The following CCDC107 variants were observed in gnomAD, a reference collection of about 807,000 sequenced individuals.
The protein encoded by CCDC107 is coiled-coil domain-containing protein 107.
In CCDC107, 17 loss-of-function variants were observed where a neutral mutation model predicts 17.9. That is an observed-to-expected ratio of 0.95 (90% CI 0.65 to 1.42). The LOEUF is 1.42. Among genes scored for constraint, CCDC107 ranks in the 40% most tolerant of loss-of-function variants. CCDC107 has a pLI of 0.00. For missense variants in CCDC107, 388 were observed against 360.1 expected (o/e 1.08, Z -0.63); for synonymous variants, 170 against 157.2 (o/e 1.08, Z -0.61).
rs1823702527 is a variant in CCDC107 at position 35,658,569 on chromosome 9, T to C, written c.107-7T>C. 1.3e-6 allele frequency: 2 copies of C among 1,576,174 alleles called. No homozygotes were observed. Among genetic ancestry groups the C allele is most frequent in the Non-Finnish European group, 1.7e-6 (2 of 1,169,266 alleles). On this transcript the variant is annotated splice_polypyrimidine_tract_variant and splice_region_variant and intron_variant, in intron 1 of 4. Coordinates refer to ENST00000426546, the MANE Select transcript of CCDC107 (RefSeq NM_174923.3). ...TCGGCTGACTCGCCTGTATCCTCCC[T>C]CCGCAGGGAACGCAGCCCACCCCGG...
At position 35,658,424 on chromosome 9, in the gene CCDC107, T is replaced by C; in HGVS notation, c.45T>C (p.Leu15=). ...TCTTGGGTGTGGTGGGGCTGCTGCTTGTGTCTGCGCTGTCCGGGGTCCTAG... is the reference window on the plus strand; with the variant it reads ...TCTTGGGTGTGGTGGGGCTGCTGCTCGTGTCTGCGCTGTCCGGGGTCCTAG... The part of the protein sequence containing the change: ...VSLLGVVGLL[L]VSALSGVLGD... Residue 15 remains leucine (L), a synonymous_variant, in exon 1 of 5, where the codon CTT becomes CTC. Transcript: ENST00000426546. 6.9e-7 allele frequency: 1 copy of C among 1,455,282 alleles called. No individual in the cohort carries two copies. The highest frequency in any genetic ancestry group is 9.1e-7 in the Non-Finnish European group (1 of 1,102,544). 90.1% of individuals were successfully genotyped at this position (1,455,282 alleles called of 1,614,324 possible).
In CCDC107 at chr9:35,660,974, AAAG is replaced by A. The variant is rs754479840; in HGVS notation, c.640_642del (p.Lys214del). 2 of 1,614,156 alleles carry A rather than the reference AAAG, an allele frequency of 1.2e-6. No individual in the cohort carries two copies. Among genetic ancestry groups the A allele is most frequent in the Admixed American group, 1.7e-5 (1 of 60,022 alleles). ...GACCTCTTCCTGAGGACTTCTGTTTAAAGGAGGACGAGGAGGAGATTGGTGACA... is the reference window on the plus strand; with the variant it reads ...GACCTCTTCCTGAGGACTTCTGTTTAGAGGACGAGGAGGAGATTGGTGACA... On this transcript the variant is annotated inframe_deletion, in exon 5 of 5. Transcript: ENST00000426546.
rs747115708 is a variant in CCDC107, at chr9:35,660,454, G to A, written c.312G>A (p.Leu104=). 4.1e-5 allele frequency: 66 copies of A among 1,612,936 alleles called. 2 individuals are homozygous for A. The South Asian group carries it at 7.0e-4, about 17-fold the overall frequency. ...AGGAGGCAAGCAAGCAGCAGCCACTGCAGTCAGGTGGGTTTAGCAGAAGTC... is the reference window on the plus strand; with the variant it reads ...AGGAGGCAAGCAAGCAGCAGCCACTACAGTCAGGTGGGTTTAGCAGAAGTC... ...LHEEASKQQP[L]QSEQQLAQLT... is the part of the protein sequence containing the mutation. Residue 104 remains leucine, a synonymous_variant, in exon 3 of 5, where the codon CTG becomes CTA. Transcript: ENST00000426546.
At position 35,660,477 on chromosome 9, in the gene CCDC107, G is replaced by A. The variant is rs781532634; in HGVS notation, c.319+16G>A. 27 of 1,613,308 alleles carry A rather than the reference G, an allele frequency of 1.7e-5. No individual in the cohort carries two copies. Among genetic ancestry groups the A allele is most frequent in the Middle Eastern group, 1.7e-4 (1 of 6,058 alleles). ...CTGCAGTCAGGTGGGTTTAGCAGAA[G>A]TCTGTGCTGGGTCGGGGGAGTTTAG... On this transcript the variant is annotated intron_variant, in intron 3 of 4. Transcript: ENST00000426546.
chr9:35,661,247 C>G lies in CCDC107; in HGVS notation c.*60C>G. The G allele has an allele frequency of 8.3e-7, 1 of 1,211,982 alleles. No homozygotes were observed. Among genetic ancestry groups the G allele is most frequent in the South Asian group, 1.5e-5 (1 of 67,950 alleles). 75.1% of individuals were successfully genotyped at this position (1,211,982 alleles called of 1,614,324 possible). On this transcript the variant is annotated 3_prime_UTR_variant, in exon 5 of 5. Transcript: ENST00000426546. ...GGTTGTACACACCCATACTAGGTGC[C>G]TAAGGACAACTGGGCCTTCTTGAAG...
rs1823888912 is a variant in CCDC107 at position 35,660,811 on chromosome 9, TGC to T, written c.477_478del (p.Leu160AlafsTer3). The T allele has an allele frequency of 6.2e-7, 1 of 1,614,068 alleles. No homozygotes were observed. Among genetic ancestry groups the T allele is most frequent in the Non-Finnish European group, 8.5e-7 (1 of 1,180,054 alleles). On this transcript the variant is annotated frameshift_variant, in exon 5 of 5. Transcript: ENST00000426546. LOFTEE classifies it low-confidence loss of function (END_TRUNC). ...ATGAAGCTATGGACCATCCACGAGC[TGC>T]TGCAAGATAGCAAGCCGGACAAGGA...
chr9:35,660,745 G>A lies in CCDC107; in HGVS notation c.411-1G>A, dbSNP rs756350610. 1.9e-6 allele frequency: 3 copies of A among 1,613,968 alleles called. No individual in the cohort carries two copies. Among genetic ancestry groups the A allele is most frequent in the East Asian group, 4.5e-5 (2 of 44,886 alleles). On this transcript the variant is annotated splice_acceptor_variant, in intron 4 of 4. Coordinates refer to ENST00000426546, the MANE Select transcript of CCDC107 (RefSeq NM_174923.3). LOFTEE classifies it high-confidence loss of function. ...GAGCCACTGAGTGGACATTTCTTCA[G>A]TGTGACTACTCTGGCTGGAGCCCAG... is the stretch of plus-strand genomic sequence containing the variant.
At chr9:35,659,594 T>C (rs10441725) in intron 2 of CCDC107, 26,084 of 152,188 alleles carry the variant, frequency 0.17, 2,801 homozygotes, top group African/African-American at 0.31. Context: ...CCTCAGGGCA[T>C]TGCTTTAAGA....
chr9:35,661,413 C>A lies in CCDC107; in HGVS notation c.*226C>A. On this transcript the variant is annotated 3_prime_UTR_variant, in exon 5 of 5. Transcript: ENST00000426546. ...GGCCCAAAAATCCCTTTTCTCATAG[C>A]AAAACTGAGACAGAAGGGTCTTTCC... is the stretch of plus-strand genomic sequence containing the variant. 2 of 452,166 alleles carry A rather than the reference C, an allele frequency of 4.4e-6. No individual in the cohort carries two copies. Among genetic ancestry groups the A allele is most frequent in the Non-Finnish European group, 7.8e-6 (2 of 257,388 alleles). 28.0% of individuals were successfully genotyped at this position (452,166 alleles called of 1,614,324 possible). A position where few individuals can be genotyped will look rare whatever the true frequency, so the allele number is the denominator to read the frequency against.
intron 1 of CCDC107, 38 bp from the exon 2 acceptor site, chr9:35,658,538 C>A (rs766622787): frequency 1.3e-6 from 2 of 1,539,624 alleles, no homozygotes; most frequent in South Asian, 2.3e-5. Flanking sequence ...GGTCCCAGGC[C>A]CCAGCTCGGC....
At position 35,660,606 on chromosome 9, in the gene CCDC107, C is replaced by T. The variant is rs766349044; in HGVS notation, c.369C>T (p.His123=). 3.1e-6 allele frequency: 5 copies of T among 1,614,058 alleles called. No homozygotes were observed. The East Asian group carries it at 6.7e-5, about 22-fold the overall frequency. ...AACAGCTGGCCCAGACAGAGCAGCA[C>T]CTGAACAACCTGATGGCCCAGCTGG... ...LTQQLAQTEQ[H]LNNLMAQLDP... Residue 123 remains histidine, a synonymous_variant, in exon 4 of 5, where the codon CAC becomes CAT. Transcript: ENST00000426546.
chr9:35,658,829 G>A (rs762907191), intron 2 of CCDC107, 102 bp downstream of exon 2: 3 of 632,262 alleles, frequency 4.7e-6, no homozygotes, highest in South Asian at 2.4e-5. Flanking sequence ...AGGGTACCAA[G>A]AACAAGACAC....
chr9:35,658,607 G>T lies in CCDC107; in HGVS notation c.138G>T (p.Thr46=). 6.3e-7 allele frequency: 1 copy of T among 1,581,674 alleles called. No individual in the cohort carries two copies. Among genetic ancestry groups the T allele is most frequent in the Non-Finnish European group, 8.5e-7 (1 of 1,171,774 alleles). The part of the protein sequence containing the change: ...GNAAHPGSGA[T]EPRRRPPLKD... ...CAGCCCACCCCGGCTCTGGAGCCAC[G>T]GAACCCCGGCGGCGACCACCGCTCA... The change falls in exon 2 of 5, where the codon ACG becomes ACT. Residue 46 remains threonine, a synonymous_variant. Coordinates refer to ENST00000426546, the MANE Select transcript of CCDC107 (RefSeq NM_174923.3).
Position 35,661,212 on chromosome 9 carries a change from G to T in CCDC107, c.*25G>T, listed in dbSNP as rs759876777. 4 of 1,549,490 alleles carry T rather than the reference G, an allele frequency of 2.6e-6. No individual in the cohort carries two copies. The highest frequency in any genetic ancestry group is 1.2e-5 in the South Asian group (1 of 81,690). On this transcript the variant is annotated 3_prime_UTR_variant, in exon 5 of 5. Coordinates refer to ENST00000426546, the MANE Select transcript of CCDC107 (RefSeq NM_174923.3). ...ATGGAGTGCTCCTGTGTGTTTTTTCGATCCTAGTTGGTTGTACACACCCAT... is the reference window on the plus strand; with the variant it reads ...ATGGAGTGCTCCTGTGTGTTTTTTCTATCCTAGTTGGTTGTACACACCCAT...
chr9:35,658,328 T>G lies in CCDC107; in HGVS notation c.-52T>G, dbSNP rs1050428184. On this transcript the variant is annotated 5_prime_UTR_variant, in exon 1 of 5. It removes an upstream start codon present in the reference 5' UTR. Transcript: ENST00000426546. The stretch of plus-strand genomic sequence containing the variant: ...CGTGCGCGTTGGGGCGGCCGGCCAA[T>G]GCCGGACCGCTTCGGCACCGCCCGC... 4 of 1,309,368 alleles carry G rather than the reference T, an allele frequency of 3.1e-6. No individual in the cohort carries two copies. Among genetic ancestry groups the G allele is most frequent in the Non-Finnish European group, 3.9e-6 (4 of 1,029,304 alleles). The allele number at this position is 1,309,368 out of a possible 1,614,324, so 81.1% of individuals were successfully genotyped here.
chr9:35,660,756 C>A lies in CCDC107; in HGVS notation c.421C>A (p.Leu141Met). The A allele has an allele frequency of 6.2e-7, 1 of 1,613,772 alleles. No individual in the cohort carries two copies. Among genetic ancestry groups the A allele is most frequent in the East Asian group, 2.2e-5 (1 of 44,902 alleles). The part of the protein sequence containing the change: ...LDPLFERVTT[L>M]AGAQQELLNM... ...TGGACATTTCTTCAGTGTGACTACT[C>A]TGGCTGGAGCCCAGCAGGAGCTTCT... Residue 141 changes from leucine (L) to methionine (M), a missense_variant, in exon 5 of 5, where the codon CTG becomes ATG. Coordinates refer to ENST00000426546, the MANE Select transcript of CCDC107 (RefSeq NM_174923.3).
At position 35,661,469 on chromosome 9, in the gene CCDC107, C is replaced by T. The variant is rs940767181; in HGVS notation, c.*282C>T. On this transcript the variant is annotated 3_prime_UTR_variant, in exon 5 of 5. Coordinates refer to ENST00000426546, the MANE Select transcript of CCDC107 (RefSeq NM_174923.3). ...AAAAGAAAAAAAACTTTACTCAAAT[C>T]CAGTGGAAAAATAAATGATAGAAAC... 2.1e-6 allele frequency: 1 copy of T among 467,510 alleles called. No homozygotes were observed. 29.0% of individuals were successfully genotyped at this position (467,510 alleles called of 1,614,324 possible).
In CCDC107 at chr9:35,658,330, C is replaced by T. The variant is rs1484030150; in HGVS notation, c.-50C>T. ...TGCGCGTTGGGGCGGCCGGCCAATGCCGGACCGCTTCGGCACCGCCCGCCC... is the reference window on the plus strand; with the variant it reads ...TGCGCGTTGGGGCGGCCGGCCAATGTCGGACCGCTTCGGCACCGCCCGCCC... On this transcript the variant is annotated 5_prime_UTR_variant, in exon 1 of 5. Transcript: ENST00000426546. 6 of 1,309,608 alleles carry T rather than the reference C, an allele frequency of 4.6e-6. No individual in the cohort carries two copies. Among genetic ancestry groups the T allele is most frequent in the Non-Finnish European group, 5.8e-6 (6 of 1,029,310 alleles). 81.1% of individuals were successfully genotyped at this position (1,309,608 alleles called of 1,614,324 possible). A position where few individuals can be genotyped will look rare whatever the true frequency, so the allele number is the denominator to read the frequency against.
chr9:35,660,960 G>C lies in CCDC107; in HGVS notation c.625G>C (p.Glu209Gln), dbSNP rs1385008304. Residue 209 changes from glutamate (E) to glutamine (Q), a missense_variant, in exon 5 of 5, where the codon GAG (glutamate) becomes CAG (glutamine). By Grantham distance (29) the Glu-to-Gln change is conservative. Coordinates refer to ENST00000426546, the MANE Select transcript of CCDC107 (RefSeq NM_174923.3). Reference sequence around the variant, plus strand: ...CACAGAGGCCAGCAGACCTCTTCCTGAGGACTTCTGTTTAAAGGAGGACGA... The same window carrying C: ...CACAGAGGCCAGCAGACCTCTTCCTCAGGACTTCTGTTTAAAGGAGGACGA... ...PHTEASRPLP[E>Q]DFCLKEDEEE... The C allele has an allele frequency of 2.5e-6, 4 of 1,614,190 alleles. No individual in the cohort carries two copies. The highest frequency in any genetic ancestry group is 3.4e-6 in the Non-Finnish European group (4 of 1,180,028).
Sources: gnomAD v4.1 joint callset for allele counts on GRCh38, gnomAD v4.1.1 for gene constraint, MANE v1.5 for transcripts, NCBI Gene and HGNC (gene_info 2026-07-23, HGNC 2026-07-21) for gene names.